Variants in ZNF608 observed in about 807,000 individuals in gnomAD.
ZNF608 encodes zinc finger protein 608, also known as renal carcinoma antigen NY-REN-36.
In ZNF608, 12 loss-of-function variants were observed where a neutral mutation model predicts 109.0. The ratio of observed to expected loss-of-function variants is 0.11; its 90% CI spans 0.07 to 0.18. The LOEUF (loss-of-function observed/expected upper bound fraction) is 0.18. Among genes scored for constraint, ZNF608 ranks in the 10% least tolerant of loss-of-function variants. The probability of loss-of-function intolerance (pLI) is 1.00; values close to 1 mark genes in which losing one functional copy is unlikely to be tolerated. For synonymous variants in ZNF608, 732 were observed against 717.4 expected (o/e 1.02, Z -0.33); for missense variants, 1,707 against 1,879.3 (o/e 0.91, Z 1.70).
rs779089449 is a variant in ZNF608 at position 124,701,235 on chromosome 5, G to A, written c.941C>T (p.Pro314Leu). 4.8e-5 allele frequency: 77 copies of A among 1,614,018 alleles called. No homozygotes were observed. Among genetic ancestry groups the A allele is most frequent in the Non-Finnish European group, 5.8e-5 (69 of 1,180,014 alleles). The change falls in exon 3 of 10, where the codon CCG becomes CTG. Residue 314 changes from proline to leucine, a missense_variant. Transcript: ENST00000513986. Reference protein sequence around the residue: ...DPLFTVPAPPPPISSSLTPQI... With the variant: ...DPLFTVPAPPLPISSSLTPQI... ...AGGCGTGAGACTGCTGGAAATCGGC[G>A]GTGGTGGCGCTGGCACTGTAAACAG... is the stretch of plus-strand genomic sequence containing the variant.
intron 3 of ZNF608, among the ~76,000 whole-genome samples, chr5:124,656,396 T>C (rs1751008335): frequency 6.6e-6 from 1 of 152,220 alleles, no homozygotes; most frequent in Non-Finnish European, 1.5e-5. Flanking sequence ...CTGGAATATG[T>C]TGGCATCACT....
chr5:124,721,941 CAAAAAAAAAAA>C (rs199699487), intron 2 of ZNF608, among the ~76,000 whole-genome samples: 46 of 20,814 alleles, frequency 2.2e-3, no homozygotes, highest in East Asian at 4.4e-3. Flanking sequence ...GACTCTGTCT[CAAAAAAAAAAA>C]AAAAAAAAAA....
At chr5:124,643,733 A>T (rs770437890) in intron 6 of ZNF608, 50 bp from the exon 7 acceptor site, 2 of 1,581,342 alleles carry the variant, frequency 1.3e-6, no homozygotes, top group African/African-American at 2.7e-5. Context: ...ATATCTTTAA[A>T]AAAAATCATT....
In ZNF608 at chr5:124,676,126, C is replaced by T. The variant is rs112866352; in HGVS notation, c.1162+24888G>A. ...AAAAATGGTACATATTTATTGAGAA[C>T]TTAGTGTGTTCTCAACATTAAATGA... On this transcript the variant is annotated intron_variant, in intron 3 of 9. Coordinates refer to ENST00000513986, the MANE Select transcript of ZNF608 (RefSeq NM_020747.3). 9.9e-3 allele frequency among the ~76,000 whole-genome samples: 1,513 copies of T among 152,256 alleles called. 34 individuals are homozygous for T. The highest frequency in any genetic ancestry group is 0.035 in the African/African-American group (1,444 of 41,546).
chr5:124,672,321 A>G (rs1254508015), intron 3 of ZNF608, among the ~76,000 whole-genome samples: 1 of 152,208 alleles, frequency 6.6e-6, no homozygotes, highest in East Asian at 1.9e-4. Context: ...ACTTATTAAA[A>G]AAAAGGAATT....
At chr5:124,649,254 C>CTA (rs1750678901) in intron 4 of ZNF608, 121 bp from the exon 5 acceptor site, 1 of 788,338 alleles carries the variant, frequency 1.3e-6, no homozygotes, top group African/African-American at 1.7e-5. Context: ...TGGGCCCAGT[C>CTA]AAGGAAAAGA....
intron 2 of ZNF608, among the ~76,000 whole-genome samples, chr5:124,711,613 C>T (rs1161911617): frequency 6.6e-6 from 1 of 152,178 alleles, no homozygotes; most frequent in Non-Finnish European, 1.5e-5. Context: ...TTTAAGCCGC[C>T]TCACTGTTGG....
chr5:124,680,377 T>C (rs1016878551), intron 3 of ZNF608, among the ~76,000 whole-genome samples: 4 of 151,562 alleles, frequency 2.6e-5, no homozygotes, highest in African/African-American at 9.7e-5. Context: ...ATTTAAGTCA[T>C]AGTTTATAAA....
At position 124,644,677 on chromosome 5, in the gene ZNF608, T is replaced by C. The variant is rs78737750; in HGVS notation, c.3706-16A>G. On this transcript the variant is annotated splice_polypyrimidine_tract_variant and intron_variant, in intron 5 of 9. Coordinates refer to ENST00000513986, the MANE Select transcript of ZNF608 (RefSeq NM_020747.3). Reference sequence around the variant, plus strand: ...AATCTGGGTCCTGATTTTTTTGTTTTAAAGAAAAAAAACCCAACAGATTTG... The same window carrying C: ...AATCTGGGTCCTGATTTTTTTGTTTCAAAGAAAAAAAACCCAACAGATTTG... The C allele has an allele frequency of 6.6e-7, 1 of 1,521,630 alleles. No homozygotes were observed. 94.3% of individuals were successfully genotyped at this position (1,521,630 alleles called of 1,614,324 possible).
At chr5:124,720,494 C>G (rs1753859805) in intron 2 of ZNF608, among the ~76,000 whole-genome samples, 1 of 152,136 alleles carries the variant, frequency 6.6e-6, no homozygotes, top group South Asian at 2.1e-4. Context: ...CACAGCAACA[C>G]CGGAATTCAT....
chr5:124,719,752 G>A (rs143061180), intron 2 of ZNF608, among the ~76,000 whole-genome samples: 138 of 152,292 alleles, frequency 9.1e-4, no homozygotes, highest in African/African-American at 2.8e-3. Context: ...AGGTTTCTGC[G>A]TTTGTGTACT....
At chr5:124,722,595 AC>A (rs1196058205) in intron 2 of ZNF608, among the ~76,000 whole-genome samples, 4 of 151,462 alleles carry the variant, frequency 2.6e-5, no homozygotes, top group Non-Finnish European at 4.4e-5. Flanking sequence ...ACACACACAC[AC>A]ACACACACAC....
chr5:124,694,045 G>A (rs1369144778), intron 3 of ZNF608, among the ~76,000 whole-genome samples: 1 of 129,218 alleles, frequency 7.7e-6, no homozygotes, highest in Non-Finnish European at 1.6e-5. Context: ...GCGCGATCTC[G>A]GCTCACTGCA....
chr5:124,670,138 A>G (rs1751654272), intron 3 of ZNF608, among the ~76,000 whole-genome samples: 1 of 152,134 alleles, frequency 6.6e-6, no homozygotes, highest in South Asian at 2.1e-4. Context: ...ACCCACACTA[A>G]TCTCTTCTGG....
chr5:124,730,700 G>A (rs375546370), intron 2 of ZNF608, among the ~76,000 whole-genome samples: 9 of 152,110 alleles, frequency 5.9e-5, no homozygotes, highest in African/African-American at 2.2e-4. Context: ...ATTTTATATG[G>A]GCAACAAAAA....
intron 2 of ZNF608, among the ~76,000 whole-genome samples, chr5:124,728,240 TCTTAAAATCAC>T (rs1386135982): frequency 6.6e-6 from 1 of 152,168 alleles, no homozygotes; most frequent in Non-Finnish European, 1.5e-5. Context: ...TGAGGTGCTA[TCTTAAAATCAC>T]CTTAAGGGTC....
At chr5:124,699,090 T>G (rs1028442631) in intron 3 of ZNF608, among the ~76,000 whole-genome samples, 1 of 152,216 alleles carries the variant, frequency 6.6e-6, no homozygotes, top group African/African-American at 2.4e-5. Flanking sequence ...TTTAGGGAAA[T>G]TACCCTTACA....
intron 3 of ZNF608, chr5:124,666,374 TCCTCAAGCGGCC>T (rs1163069488): frequency 1.9e-4 from 29 of 152,256 alleles, no homozygotes; most frequent in African/African-American, 7.0e-4. Context: ...GCAATCCATG[TCCTCAAGCGGCC>T]CATTGCTTCT....
intron 5 of ZNF608, among the ~76,000 whole-genome samples, chr5:124,645,211 T>G (rs1750441078): frequency 6.6e-6 from 1 of 152,236 alleles, no homozygotes; most frequent in African/African-American, 2.4e-5. Context: ...GCTTAATATA[T>G]TGGCTCACTT....
Sources: allele counts gnomAD v4.1 joint callset (sites outside exome capture counted in the v4.1 genomes callset), GRCh38; gene constraint gnomAD v4.1.1; transcripts MANE v1.5; gene names NCBI Gene and HGNC (gene_info 2026-07-23, HGNC 2026-07-21).